Variants in LGALS9B observed in about 807,000 individuals in gnomAD.
LGALS9B encodes galectin 9B, also known as galectin-9B.
In LGALS9B, 8 loss-of-function variants were observed where a neutral mutation model predicts 35.9. The ratio of observed to expected loss-of-function variants is 0.22; its 90% CI spans 0.13 to 0.40. The LOEUF is 0.40. Among genes scored for constraint, LGALS9B ranks in the 10% least tolerant of loss-of-function variants. LGALS9B has a pLI of 1.00. For synonymous variants in LGALS9B, 42 were observed against 148.6 expected (o/e 0.28, Z 5.22); for missense variants, 101 against 397.9 (o/e 0.25, Z 6.35).
At chr17:20,464,139 C>A (rs866261954) in intron 1 of LGALS9B, among the ~76,000 whole-genome samples, 18 of 140,640 alleles carry the variant, frequency 1.3e-4, no homozygotes, top group African/African-American at 4.9e-4. Context: ...ATTCTGTCAC[C>A]CAGGCTGGAG....
intron 1 of LGALS9B, among the ~76,000 whole-genome samples, chr17:20,461,259 A>G (rs2142423603): frequency 6.7e-6 from 1 of 150,354 alleles, no homozygotes; most frequent in African/African-American, 2.4e-5. Flanking sequence ...TGGGAAGCCT[A>G]TTTCACCTCT....
intron 10 of LGALS9B, among the ~76,000 whole-genome samples, chr17:20,451,185 G>A (rs1387200183): frequency 6.6e-6 from 1 of 150,496 alleles, no homozygotes; most frequent in Non-Finnish European, 1.5e-5. Flanking sequence ...GTGAAGAAAT[G>A]AATAACACCT....
chr17:20,449,771 G>T lies in LGALS9B; in HGVS notation c.*202C>A. Reference sequence around the variant, plus strand: ...AGCTGGCGCCCCAGGTGCTGCTGCGGCTGAGGAAGACAATCCCAGTCAGCT... The same window carrying T: ...AGCTGGCGCCCCAGGTGCTGCTGCGTCTGAGGAAGACAATCCCAGTCAGCT... On this transcript the variant is annotated 3_prime_UTR_variant, in exon 11 of 11. Transcript: ENST00000423676. 3 of 401,048 alleles carry T rather than the reference G, an allele frequency of 7.5e-6. 1 individual carries two copies. The highest frequency in any genetic ancestry group is 1.4e-5 in the Non-Finnish European group (3 of 214,588). The allele number at this position is 401,048 out of a possible 1,614,324, so 24.8% of individuals were successfully genotyped here.
chr17:20,465,817 A>T (rs577016190), intron 1 of LGALS9B, among the ~76,000 whole-genome samples: 1 of 147,094 alleles, frequency 6.8e-6, no homozygotes, highest in Non-Finnish European at 1.5e-5. Flanking sequence ...CACTGTCGGC[A>T]TGTGGAGAAA....
At chr17:20,460,248 C>T (rs1174309173) in intron 2 of LGALS9B, 104 bp downstream of exon 2, 6 of 1,598,274 alleles carry the variant, frequency 3.8e-6, no homozygotes, top group South Asian at 3.3e-5. Context: ...GCGCCAGGCA[C>T]GTGAGCTTGG....
At chr17:20,456,849 C>A (rs996457028) in intron 3 of LGALS9B, among the ~76,000 whole-genome samples, 178 bp from the exon 4 acceptor site, 1 of 1,842 alleles carries the variant, frequency 5.4e-4, no homozygotes. Flanking sequence ...CTACTGGGCT[C>A]CAGTCGGGCT....
chr17:20,456,333 G>A (rs1382319896), intron 4 of LGALS9B, among the ~76,000 whole-genome samples: 2 of 108,898 alleles, frequency 1.8e-5, no homozygotes, highest in Non-Finnish European at 3.7e-5. Context: ...ATTGACGGAT[G>A]AAGAGAAAGG....
rs755257477 is a variant in LGALS9B at position 20,455,360 on chromosome 17, C to A, written c.483G>T (p.Thr161=). The A allele has an allele frequency of 1.5e-6, 2 of 1,355,576 alleles. No individual in the cohort carries two copies. 84.0% of individuals were successfully genotyped at this position (1,355,576 alleles called of 1,614,324 possible). Residue 161 remains threonine, a synonymous_variant, in exon 5 of 11, where the codon ACG becomes ACT. Transcript: ENST00000423676. ...AACAGACAGGCTGGGAGAACGGCAC[C>A]GTGGAGAAGGCAGGCTGAACGGGGA... ...RTVPVQPAFS[T]VPFSQPVCFP... is the part of the protein sequence containing the mutation.
At chr17:20,459,272 AGAG>A (rs1188894763) in intron 2 of LGALS9B, among the ~76,000 whole-genome samples, 1 of 148,430 alleles carries the variant, frequency 6.7e-6, no homozygotes, top group African/African-American at 2.5e-5. Context: ...AAAGCTCCTG[AGAG>A]GAGAGGGCCC....
intron 1 of LGALS9B, among the ~76,000 whole-genome samples, chr17:20,461,065 G>A (rs1239372028): frequency 6.1e-5 from 6 of 99,004 alleles, no homozygotes; most frequent in South Asian, 6.5e-4. Flanking sequence ...GATGCCCTCC[G>A]CAGCCCCGAG....
chr17:20,451,617 C>A lies in LGALS9B; in HGVS notation c.788G>T (p.Ser263Ile). The A allele has an allele frequency of 6.3e-7, 1 of 1,599,768 alleles. No individual in the cohort carries two copies. Among genetic ancestry groups the A allele is most frequent in the East Asian group, 2.2e-5 (1 of 44,754 alleles). The change falls in exon 10 of 11, where the codon AGC becomes ATC. Residue 263 changes from serine (S) to isoleucine (I), a missense_variant. Coordinates refer to ENST00000423676, the MANE Select transcript of LGALS9B (RefSeq NM_001367292.2). Reference protein sequence around the residue: ...QRFHINLCSGSHIAFHMNPRF... With the variant: ...QRFHINLCSGIHIAFHMNPRF... ...GGGGTTCATGTGGAAGGCGATGTGG[C>A]TCCCAGAGCACAGGTTGATGTGGAA...
At position 20,460,414 on chromosome 17, in the gene LGALS9B, C is replaced by T. The variant is rs746264217; in HGVS notation, c.69G>A (p.Gly23=). ...PAVPFSGTIQ[G]GLQDGFQITV... is the part of the protein sequence containing the mutation. ...TGATCTGAAATCCGTCCTGGAGACC[C>T]CCTTGGATAGTCCCAGAAAAGGGGA... Residue 23 remains glycine, a synonymous_variant, in exon 2 of 11, where the codon GGG becomes GGA. Transcript: ENST00000423676. 7 of 1,603,610 alleles carry T rather than the reference C, an allele frequency of 4.4e-6. No homozygotes were observed. The South Asian group carries it at 7.7e-5, about 18-fold the overall frequency.
intron 1 of LGALS9B, among the ~76,000 whole-genome samples, chr17:20,461,230 C>T (rs2042727315): frequency 1.3e-5 from 2 of 151,394 alleles, no homozygotes; most frequent in African/African-American, 2.4e-5. Flanking sequence ...AACTCTGCTG[C>T]TCCTGACCTG....
intron 2 of LGALS9B, among the ~76,000 whole-genome samples, chr17:20,458,949 G>GATAT (rs111262600): frequency 0.034 from 4,919 of 144,850 alleles, no homozygotes; most frequent in African/African-American, 0.087. Flanking sequence ...AAAACAAAAA[G>GATAT]ATATATATAT....
rs2042633734 is a variant in LGALS9B at position 20,449,679 on chromosome 17, C to T, written c.*294G>A. The stretch of plus-strand genomic sequence containing the variant: ...TGGGAGGGGACTGAGCATGGGGCTT[C>T]ATCTTCACTGCCCGCTCCTCCCCTC... On this transcript the variant is annotated 3_prime_UTR_variant, in exon 11 of 11. Coordinates refer to ENST00000423676, the MANE Select transcript of LGALS9B (RefSeq NM_001367292.2). 3 of 260,290 alleles carry T rather than the reference C, an allele frequency of 1.2e-5. 1 individual carries two copies. Among genetic ancestry groups the T allele is most frequent in the Admixed American group, 1.1e-4 (2 of 17,554 alleles). The allele number at this position is 260,290 out of a possible 1,614,324, so 16.1% of individuals were successfully genotyped here. A position where few individuals can be genotyped will look rare whatever the true frequency, so the allele number is the denominator to read the frequency against.
At chr17:20,461,679 C>A (rs1454617181) in intron 1 of LGALS9B, among the ~76,000 whole-genome samples, 1 of 94,596 alleles carries the variant, frequency 1.1e-5, no homozygotes, top group Non-Finnish European at 2.3e-5. Context: ...GCAAAGTAGA[C>A]GTCACACGCC....
rs1485120902 is a variant in LGALS9B at position 20,460,382 on chromosome 17, T to C, written c.101A>G (p.Asn34Ser). 1 of 1,601,394 alleles carries C rather than the reference T, an allele frequency of 6.2e-7. No homozygotes were observed. The highest frequency in any genetic ancestry group is 8.5e-7 in the Non-Finnish European group (1 of 1,171,026). The change falls in exon 2 of 11, where the codon AAT becomes AGT. Residue 34 changes from asparagine (N) to serine (S), a missense_variant. Physicochemically the swap from Asn to Ser is conservative, Grantham distance 46. Transcript: ENST00000423676. ...GLQDGFQITVNGAVLSSSGTR... is the reference protein window; with the variant it reads ...GLQDGFQITVSGAVLSSSGTR... Reference sequence around the variant, plus strand: ...TCCACTGGAGCTGAGAACGGCCCCATTGACAGTGATCTGAAATCCGTCCTG... The same window carrying C: ...TCCACTGGAGCTGAGAACGGCCCCACTGACAGTGATCTGAAATCCGTCCTG...
intron 4 of LGALS9B, among the ~76,000 whole-genome samples, chr17:20,456,120 A>T (rs978518000): frequency 6.6e-6 from 1 of 151,970 alleles, no homozygotes; most frequent in African/African-American, 2.4e-5. Flanking sequence ...TGTCTCCTCA[A>T]TGAATCACAC....
At chr17:20,454,829 T>TG (rs2042675392) in intron 5 of LGALS9B, among the ~76,000 whole-genome samples, 1 of 146,126 alleles carries the variant, frequency 6.8e-6, no homozygotes, top group Non-Finnish European at 1.5e-5. Context: ...GCTTCGTGGG[T>TG]TGGGGGTGAG....
Sources: gnomAD v4.1 joint callset for allele counts (sites outside exome capture counted in the v4.1 genomes callset) on GRCh38, gnomAD v4.1.1 for gene constraint, MANE v1.5 for transcripts, NCBI Gene and HGNC (gene_info 2026-07-23, HGNC 2026-07-21) for gene names.